The following SPPL2A variants were observed in gnomAD, a reference collection of about 807,000 sequenced individuals.
SPPL2A encodes the protein signal peptide peptidase-like 2A.
A neutral mutation model predicts 63.8 loss-of-function variants in SPPL2A; 51 were observed. The ratio of observed to expected loss-of-function variants is 0.80; its 90% CI spans 0.64 to 1.01. The LOEUF is 1.01. Among genes scored for constraint, SPPL2A ranks in the 50% least tolerant of loss-of-function variants. The pLI, the probability that SPPL2A is intolerant of heterozygous loss-of-function variation, is 0.00. For synonymous variants in SPPL2A, 188 were observed against 205.8 expected (o/e 0.91, Z 0.74); for missense variants, 553 against 622.7 (o/e 0.89, Z 1.19).
intron 10 of SPPL2A, among the ~76,000 whole-genome samples, chr15:50,727,730 A>G (rs1032784133): frequency 2.0e-4 from 31 of 152,322 alleles, no homozygotes; most frequent in African/African-American, 7.2e-4. Context: ...AATATGCAAT[A>G]TTTAATCCTT....
chr15:50,755,036 G>A (rs1471152419), intron 1 of SPPL2A, among the ~76,000 whole-genome samples: 4 of 147,360 alleles, frequency 2.7e-5, no homozygotes, highest in African/African-American at 5.0e-5. Context: ...ACGCAAATTC[G>A]GGGCCGGGCA....
At chr15:50,720,141 T>C (rs761219004) in intron 13 of SPPL2A, 41 bp from the exon 14 acceptor site, 10 of 1,537,382 alleles carry the variant, frequency 6.5e-6, no homozygotes, top group Non-Finnish European at 7.9e-6. Flanking sequence ...TTCTACATGT[T>C]ACCAAAGGTG....
At position 50,732,521 on chromosome 15, in the gene SPPL2A, T is replaced by C. The variant is rs2062739140; in HGVS notation, c.1014+82A>G. The C allele has an allele frequency of 3.7e-6, 3 of 815,014 alleles. No individual in the cohort carries two copies. In the African/African-American group the frequency reaches 5.2e-5, roughly 14 times the overall value. The allele number at this position is 815,014 out of a possible 1,614,324, so 50.5% of individuals were successfully genotyped here. On this transcript the variant is annotated intron_variant, in intron 9 of 14. Transcript: ENST00000261854. The stretch of plus-strand genomic sequence containing the variant: ...AACAGTACGCCAAAAATTGGCGCAT[T>C]TAATTGTAGGTAAATTATGCCTTAA...
chr15:50,719,901 G>A, intron 14 of SPPL2A, 39 bp downstream of exon 14: 1 of 1,436,952 alleles, frequency 7.0e-7, no homozygotes, highest in Non-Finnish European at 9.6e-7. Context: ...AGTAAATTAA[G>A]CCATAAGATA....
intron 1 of SPPL2A, among the ~76,000 whole-genome samples, chr15:50,751,935 A>G (rs2062910373): frequency 6.6e-6 from 1 of 152,052 alleles, no homozygotes; most frequent in Non-Finnish European, 1.5e-5. Context: ...GGGTCAAGCA[A>G]TTCTCCTGCT....
intron 1 of SPPL2A, among the ~76,000 whole-genome samples, chr15:50,755,347 A>G (rs545419940): frequency 6.6e-4 from 100 of 151,656 alleles, no homozygotes; most frequent in African/African-American, 2.3e-3. Flanking sequence ...TTGGAAGGGC[A>G]CGGTGGCTCA....
At chr15:50,750,620 G>T (rs2062898314) in intron 1 of SPPL2A, among the ~76,000 whole-genome samples, 2 of 151,996 alleles carry the variant, frequency 1.3e-5, no homozygotes, top group Non-Finnish European at 2.9e-5. Context: ...GAAAAGCGTT[G>T]TCTCATTTCC....
chr15:50,744,503 T>C (rs538643281), intron 5 of SPPL2A, among the ~76,000 whole-genome samples: 4 of 152,356 alleles, frequency 2.6e-5, no homozygotes, highest in Admixed American at 1.3e-4. Context: ...GGGCACATTT[T>C]TTTCATTGAG....
At chr15:50,733,191 TAAAG>T (rs1343890312) in intron 8 of SPPL2A, among the ~76,000 whole-genome samples, 8 of 152,124 alleles carry the variant, frequency 5.3e-5, no homozygotes, top group South Asian at 2.1e-4. Context: ...AGCTTGAACA[TAAAG>T]AAAACAAGAG....
chr15:50,734,804 C>T (rs1278202337), intron 8 of SPPL2A, among the ~76,000 whole-genome samples: 2 of 152,174 alleles, frequency 1.3e-5, no homozygotes, highest in African/African-American at 4.8e-5. Context: ...TATATATAGT[C>T]ATTATGTTCC....
At chr15:50,724,604 G>A (rs1223046561) in intron 12 of SPPL2A, among the ~76,000 whole-genome samples, 2 of 151,382 alleles carry the variant, frequency 1.3e-5, no homozygotes, top group African/African-American at 4.9e-5. Flanking sequence ...AAATGAAGAA[G>A]GAAAAACTCA....
intron 13 of SPPL2A, among the ~76,000 whole-genome samples, chr15:50,720,676 C>T (rs1033566971): frequency 3.3e-5 from 5 of 152,022 alleles, no homozygotes; most frequent in African/African-American, 7.2e-5. Context: ...TGTGCCACCA[C>T]GCCTGGCTAA....
chr15:50,741,392 A>G (rs564048231), intron 5 of SPPL2A, among the ~76,000 whole-genome samples: 6 of 151,814 alleles, frequency 4.0e-5, no homozygotes, highest in African/African-American at 1.4e-4. Flanking sequence ...TGCCTGGGAA[A>G]AGAGGAGGGA....
At chr15:50,726,289 G>A (rs373105658) in intron 11 of SPPL2A, 32 bp downstream of exon 11, 2 of 1,605,664 alleles carry the variant, frequency 1.2e-6, no homozygotes, top group African/African-American at 2.7e-5. Flanking sequence ...ACATACACTG[G>A]ATAGCCATTT....
intron 8 of SPPL2A, among the ~76,000 whole-genome samples, chr15:50,735,194 C>A (rs982391286): frequency 3.0e-4 from 45 of 152,124 alleles, no homozygotes; most frequent in African/African-American, 1.1e-3. Flanking sequence ...GTATGAGCCA[C>A]CATGCCCGGC....
At position 50,748,764 on chromosome 15, in the gene SPPL2A, C is replaced by A; in HGVS notation, c.284G>T (p.Cys95Phe). 2 of 1,611,728 alleles carry A rather than the reference C, an allele frequency of 1.2e-6. No homozygotes were observed. The highest frequency in any genetic ancestry group is 1.7e-6 in the Non-Finnish European group (2 of 1,179,022). ...SKAVVVPWGS[C>F]HFLEKARIAQ... ...AATTCTGGCTTTTTCAAGAAAATGG[C>A]AGCTTCCCCATGGAACCACAACTGC... The change falls in exon 3 of 15, where the codon TGC becomes TTC. Residue 95 changes from cysteine to phenylalanine, a missense_variant. Transcript: ENST00000261854.
In SPPL2A at chr15:50,728,432, C is replaced by T. The variant is rs189830610; in HGVS notation, c.1090-2055G>A. On this transcript the variant is annotated intron_variant, in intron 10 of 14. Transcript: ENST00000261854. ...GATCTCGGATCACTGCAAGCTCTGC[C>T]TCCTGGGTTCACGCCATTCTCCTGC... is the stretch of plus-strand genomic sequence containing the variant. Among the ~76,000 whole-genome samples, 397 of 146,634 alleles carry T rather than the reference C, an allele frequency of 2.7e-3. 1 individual carries two copies. Among genetic ancestry groups the T allele is most frequent in the African/African-American group, 9.5e-3 (377 of 39,584 alleles).
intron 11 of SPPL2A, 105 bp downstream of exon 11, chr15:50,726,216 C>T: frequency 6.8e-7 from 1 of 1,461,306 alleles, no homozygotes; most frequent in Non-Finnish European, 9.5e-7. Context: ...TTTACAATAC[C>T]TTAACATGCA....
At chr15:50,725,727 G>T (rs986442612) in intron 11 of SPPL2A, among the ~76,000 whole-genome samples, 2 of 152,108 alleles carry the variant, frequency 1.3e-5, no homozygotes, top group African/African-American at 2.4e-5. Flanking sequence ...CACCGTGCCT[G>T]GCCACCCATA....
Sources: gnomAD v4.1 joint callset for allele counts (sites outside exome capture counted in the v4.1 genomes callset) on GRCh38, gnomAD v4.1.1 for gene constraint, MANE v1.5 for transcripts, NCBI Gene and HGNC (gene_info 2026-07-23, HGNC 2026-07-21) for gene names.